PRKN: variants seen among roughly 807,000 people sequenced by gnomAD.
PRKN encodes parkin RBR E3 ubiquitin protein ligase.
A neutral mutation model predicts 59.5 loss-of-function variants in PRKN; 56 were observed. The ratio of observed to expected loss-of-function variants is 0.94; its 90% CI spans 0.76 to 1.18. The LOEUF is 1.18. PRKN is among the 50% of genes most tolerant of loss of function. The pLI is 0.00. For missense variants in PRKN, 657 were observed against 596.4 expected, an observed-to-expected ratio of 1.10 and a Z score of -1.06; for synonymous variants, 250 against 222.1, an observed-to-expected ratio of 1.13 and a Z score of -1.12.
At chr6:162,189,428 A>C (rs1161111346) in intron 4 of PRKN, among the ~76,000 whole-genome samples, 1 of 151,018 alleles carries the variant, frequency 6.6e-6, no homozygotes, top group Non-Finnish European at 1.5e-5. Flanking sequence ...AAGATTATGG[A>C]TAGGCCAAGG....
chr6:161,554,706 C>T lies in PRKN; in HGVS notation c.934-5703G>A, dbSNP rs1780165732. The stretch of plus-strand genomic sequence containing the variant: ...GGAATATACAATCCTGATATACATA[C>T]AGGGATTGTGTGTGTGTGTGTGTGT... On this transcript the variant is annotated intron_variant, in intron 8 of 11. Transcript: ENST00000366898. The surrounding 1 kb of genome is among the most constrained non-coding windows in gnomAD (Gnocchi z 4.5). Among the ~76,000 whole-genome samples the T allele has an allele frequency of 7.3e-6, 1 of 137,790 alleles. No homozygotes were observed. The highest frequency in any genetic ancestry group is 2.4e-4 in the South Asian group (1 of 4,156). The allele number at this position is 137,790 out of a possible 152,430, so 90.4% of individuals were successfully genotyped here.
intron 9 of PRKN, among the ~76,000 whole-genome samples, chr6:161,431,322 C>T (rs920774120): frequency 1.3e-5 from 2 of 151,732 alleles, no homozygotes; most frequent in South Asian, 4.2e-4. Context: ...TCAAACATAA[C>T]AAATGTTTTT....
intron 9 of PRKN, among the ~76,000 whole-genome samples, chr6:161,504,392 C>A (rs1447744444): frequency 1.3e-5 from 2 of 152,132 alleles, no homozygotes; most frequent in African/African-American, 4.8e-5. Context: ...CAGGGCGGGT[C>A]GGAAACCTCA....
rs1789457578 is a variant in PRKN at position 161,445,787 on chromosome 6, A to T, written c.1084-58910T>A. Among the ~76,000 whole-genome samples, 2 of 142,862 alleles carry T rather than the reference A, an allele frequency of 1.4e-5. No homozygotes were observed. Among genetic ancestry groups the T allele is most frequent in the African/African-American group, 5.1e-5 (2 of 38,894 alleles). The allele number at this position is 142,862 out of a possible 152,430, so 93.7% of individuals were successfully genotyped here. The stretch of plus-strand genomic sequence containing the variant: ...CTGCTATTGGCCGCCAGCAAAGAAT[A>T]CAAGGGGTTTCCCTTCCCTTCCCTT... On this transcript the variant is annotated intron_variant, in intron 9 of 11. Transcript: ENST00000366898. This position sits in a 1 kb window ranked among gnomAD's most constrained non-coding sequence, Gnocchi z 7.7.
At chr6:161,909,532 G>T (rs908749003) in intron 6 of PRKN, among the ~76,000 whole-genome samples, 2 of 152,212 alleles carry the variant, frequency 1.3e-5, no homozygotes, top group African/African-American at 4.8e-5. Context: ...GGAAGAAAAT[G>T]GATGTAGAGT....
chr6:161,822,311 C>T (rs556645021), intron 6 of PRKN, among the ~76,000 whole-genome samples: 1 of 152,298 alleles, frequency 6.6e-6, no homozygotes, highest in East Asian at 1.9e-4. Context: ...AGGAAAAGTG[C>T]ACATCTTTCC....
At chr6:161,639,870 C>A (rs1412703203) in intron 7 of PRKN, among the ~76,000 whole-genome samples, 1 of 152,222 alleles carries the variant, frequency 6.6e-6, no homozygotes. Context: ...GCCTACCACC[C>A]CATCAAATTC....
intron 9 of PRKN, among the ~76,000 whole-genome samples, chr6:161,394,655 C>T (rs371848090): frequency 7.2e-5 from 11 of 152,264 alleles, no homozygotes; most frequent in African/African-American, 2.6e-4. Context: ...CTATGAGTAC[C>T]GTCTAGTAGG....
At chr6:162,235,979 A>AAGAAAGAAAG (rs1562602491) in intron 3 of PRKN, among the ~76,000 whole-genome samples, 14 of 117,516 alleles carry the variant, frequency 1.2e-4, no homozygotes, top group African/African-American at 3.9e-4. Flanking sequence ...GAAAGAAAGA[A>AAGAAAGAAAG]AGAAAGAAAG....
At chr6:162,192,442 ATTTTTTTT>A (rs10534285) in intron 4 of PRKN, among the ~76,000 whole-genome samples, 1 of 74,692 alleles carries the variant, frequency 1.3e-5, no homozygotes, top group East Asian at 4.8e-4. Flanking sequence ...AATTATAGGG[ATTTTTTTT>A]TTTTTTTTTT....
rs572672916 is a variant in PRKN at position 162,418,553 on chromosome 6, G to A, written c.171+24757C>T. On this transcript the variant is annotated intron_variant, in intron 2 of 11. Coordinates refer to ENST00000366898, the MANE Select transcript of PRKN (RefSeq NM_004562.3). ...AAGAGATTGCAGAACAAGAATTGGA[G>A]TGTTCCTGGAGCTTCAGATGTAGGC... Among the ~76,000 whole-genome samples, 30 of 151,902 alleles carry A rather than the reference G, an allele frequency of 2.0e-4. 1 individual carries two copies. Among genetic ancestry groups the A allele is most frequent in the Middle Eastern group, 3.4e-3 (1 of 294 alleles).
At chr6:161,726,656 T>C (rs1787452343) in intron 7 of PRKN, among the ~76,000 whole-genome samples, 1 of 152,024 alleles carries the variant, frequency 6.6e-6, no homozygotes, top group South Asian at 2.1e-4. Context: ...AAAATGAAAA[T>C]ATGCCAAAAC....
intron 9 of PRKN, among the ~76,000 whole-genome samples, chr6:161,486,475 A>G (rs769324860): frequency 2.0e-5 from 3 of 152,166 alleles, no homozygotes; most frequent in Non-Finnish European, 4.4e-5. Context: ...CAGTGGTGTG[A>G]ATACAGCTTC....
chr6:161,634,582 C>T (rs1007391477), intron 7 of PRKN, among the ~76,000 whole-genome samples: 3 of 152,150 alleles, frequency 2.0e-5, no homozygotes, highest in Non-Finnish European at 4.4e-5. Flanking sequence ...AGAACAGGCA[C>T]GAGGACTCAA....
chr6:161,806,996 G>T (rs1460680809), intron 6 of PRKN, among the ~76,000 whole-genome samples: 1 of 152,136 alleles, frequency 6.6e-6, no homozygotes, highest in South Asian at 2.1e-4. Context: ...GGTAGTTACC[G>T]ATTTCCAAAA....
intron 3 of PRKN, among the ~76,000 whole-genome samples, chr6:162,220,970 T>G (rs1777904951): frequency 6.6e-6 from 1 of 152,234 alleles, no homozygotes; most frequent in Non-Finnish European, 1.5e-5. Context: ...TGGCCAGCTA[T>G]CCCATTCTCT....
chr6:162,525,829 T>C (rs1778257319), intron 1 of PRKN, among the ~76,000 whole-genome samples: 1 of 152,150 alleles, frequency 6.6e-6, no homozygotes. Context: ...AAACATATGA[T>C]TCACTATTTA....
intron 7 of PRKN, among the ~76,000 whole-genome samples, chr6:161,730,185 G>C (rs34336780): frequency 2.0e-5 from 3 of 150,922 alleles, no homozygotes; most frequent in Non-Finnish European, 4.4e-5. Flanking sequence ...GTTGCATTCT[G>C]ATGTGTTGCA....
intron 2 of PRKN, among the ~76,000 whole-genome samples, chr6:162,429,752 T>C (rs1192064348): frequency 6.6e-6 from 1 of 152,168 alleles, no homozygotes; most frequent in Non-Finnish European, 1.5e-5. Context: ...CGGTCCTGCT[T>C]ACCACTGCTC....
Sources: allele counts gnomAD v4.1 joint callset (sites outside exome capture counted in the v4.1 genomes callset), GRCh38; gene constraint gnomAD v4.1.1; non-coding constraint Gnocchi (gnomAD v3.1); transcripts MANE v1.5; gene names NCBI Gene and HGNC (gene_info 2026-07-23, HGNC 2026-07-21).